Variants in NUP88 observed in about 807,000 individuals in gnomAD.
NUP88 encodes the protein nucleoporin 88.
A neutral mutation model predicts 93.9 loss-of-function variants in NUP88; 57 were observed. That is an observed-to-expected ratio of 0.61 (90% CI 0.49 to 0.76). The LOEUF is 0.76. NUP88 is among the 30% of genes least tolerant of loss of function. The pLI, the probability that NUP88 is intolerant of heterozygous loss-of-function variation, is 0.00. For synonymous variants in NUP88, 346 were observed against 336.8 expected, an observed-to-expected ratio of 1.03 and a Z score of -0.30; for missense variants, 911 against 901.0, an observed-to-expected ratio of 1.01 and a Z score of -0.14.
chr17:5,416,693 G>C lies in NUP88; in HGVS notation c.298-11C>G. 1.9e-6 allele frequency: 3 copies of C among 1,597,030 alleles called. No homozygotes were observed. The highest frequency in any genetic ancestry group is 2.6e-6 in the Non-Finnish European group (3 of 1,175,152). On this transcript the variant is annotated splice_polypyrimidine_tract_variant and intron_variant, in intron 1 of 16. Coordinates refer to ENST00000573584, the MANE Select transcript of NUP88 (RefSeq NM_002532.6). Reference sequence around the variant, plus strand: ...TATGCAAAGCAATCTCTGAAAATTAGAGCAAACCAGTCAACATAGTTAATT... The same window carrying C: ...TATGCAAAGCAATCTCTGAAAATTACAGCAAACCAGTCAACATAGTTAATT...
At chr17:5,392,880 C>T (rs947128634) in intron 9 of NUP88, among the ~76,000 whole-genome samples, 2 of 152,238 alleles carry the variant, frequency 1.3e-5, no homozygotes, top group Middle Eastern at 3.4e-3. Context: ...GCCTTGACCT[C>T]GTGGGCTCAA....
intron 1 of NUP88, 95 bp from the exon 2 acceptor site, chr17:5,416,777 T>G (rs1914176960): frequency 5.1e-6 from 5 of 984,600 alleles, no homozygotes; most frequent in Non-Finnish European, 7.5e-6. Flanking sequence ...TTTACTACAA[T>G]TATAGGATAA....
At chr17:5,415,585 A>T (rs1914089360) in intron 2 of NUP88, among the ~76,000 whole-genome samples, 1 of 152,232 alleles carries the variant, frequency 6.6e-6, no homozygotes, top group African/African-American at 2.4e-5. Flanking sequence ...ATGATCCCCA[A>T]CTTTACAATG....
chr17:5,387,534 C>T (rs1912094515), intron 13 of NUP88, 68 bp from the exon 14 acceptor site: 2 of 1,593,760 alleles, frequency 1.3e-6, no homozygotes, highest in South Asian at 1.1e-5. Context: ...TAATGTGGCT[C>T]AGCATCTTAG....
chr17:5,388,943 G>C lies in NUP88; in HGVS notation c.1502C>G (p.Ala501Gly), dbSNP rs544639385. Residue 501 changes from alanine (A) to glycine (G), a missense_variant, in exon 11 of 17, where the codon GCG (alanine) becomes GGG (glycine). By Grantham distance (60) the Ala-to-Gly change is moderately conservative. Coordinates refer to ENST00000573584, the MANE Select transcript of NUP88 (RefSeq NM_002532.6). ...IWPLLSTVHPASPPLLCTRED... is the reference protein window; with the variant it reads ...IWPLLSTVHPGSPPLLCTRED... The stretch of plus-strand genomic sequence containing the variant: ...TCGAGTACAAAGCAGGGGAGGAGAC[G>C]CTGGATGGACTGTACTTCTGCAAAA... 6.2e-7 allele frequency: 1 copy of C among 1,611,042 alleles called. No individual in the cohort carries two copies. The highest frequency in any genetic ancestry group is 1.3e-5 in the African/African-American group (1 of 74,900).
At chr17:5,395,718 G>A (rs759879824) in intron 8 of NUP88, among the ~76,000 whole-genome samples, 1 of 151,772 alleles carries the variant, frequency 6.6e-6, no homozygotes, top group Non-Finnish European at 1.5e-5. Flanking sequence ...GGGTTTCACG[G>A]TATTGGCCAG....
Position 5,387,357 on chromosome 17 carries a change from G to C in NUP88, c.1916+29C>G, listed in dbSNP as rs776974419. 3 of 1,570,038 alleles carry C rather than the reference G, an allele frequency of 1.9e-6. No homozygotes were observed. The South Asian group carries it at 3.3e-5, about 17-fold the overall frequency. On this transcript the variant is annotated intron_variant, in intron 14 of 16. Transcript: ENST00000573584. The stretch of plus-strand genomic sequence containing the variant: ...AAATATCGTTGTTAGTACCTGACTA[G>C]GTAACTAAATGTTATACAGCCCACT...
At chr17:5,418,637 C>T (rs2151651636) in intron 1 of NUP88, among the ~76,000 whole-genome samples, 1 of 152,204 alleles carries the variant, frequency 6.6e-6, no homozygotes, top group Non-Finnish European at 1.5e-5. Flanking sequence ...GCATTGCTAG[C>T]GTCTTATTAA....
Position 5,410,662 on chromosome 17 carries a change from G to A in NUP88, c.680+41C>T, listed in dbSNP as rs781640258. Reference sequence around the variant, plus strand: ...AAAATTGCATTTATAATCCCAATAAGCTAATTAAAAAACCATTTCAAGACT... The same window carrying A: ...AAAATTGCATTTATAATCCCAATAAACTAATTAAAAAACCATTTCAAGACT... On this transcript the variant is annotated intron_variant, in intron 4 of 16. Coordinates refer to ENST00000573584, the MANE Select transcript of NUP88 (RefSeq NM_002532.6). 8 of 1,214,854 alleles carry A rather than the reference G, an allele frequency of 6.6e-6. No homozygotes were observed. In the African/African-American group the frequency reaches 1.2e-4, roughly 19 times the overall value. The allele number at this position is 1,214,854 out of a possible 1,614,324, so 75.3% of individuals were successfully genotyped here.
chr17:5,399,532 C>A lies in NUP88; in HGVS notation c.1291+20G>T. 7.9e-7 allele frequency: 1 copy of A among 1,262,962 alleles called. No homozygotes were observed. The allele number at this position is 1,262,962 out of a possible 1,614,324, so 78.2% of individuals were successfully genotyped here. A position where few individuals can be genotyped will look rare whatever the true frequency, so the allele number is the denominator to read the frequency against. On this transcript the variant is annotated intron_variant, in intron 8 of 16. Coordinates refer to ENST00000573584, the MANE Select transcript of NUP88 (RefSeq NM_002532.6). Reference sequence around the variant, plus strand: ...TTTCCTCTGAAATCTATTAAAAGTGCAGAGAGTTAGTAAACTCACCTGATC... The same window carrying A: ...TTTCCTCTGAAATCTATTAAAAGTGAAGAGAGTTAGTAAACTCACCTGATC...
intron 5 of NUP88, among the ~76,000 whole-genome samples, chr17:5,407,622 C>T (rs1002860614): frequency 3.3e-5 from 5 of 152,184 alleles, no homozygotes; most frequent in Non-Finnish European, 5.9e-5. Flanking sequence ...TTTAATTCTT[C>T]TTGTCTGTCA....
intron 9 of NUP88, 130 bp downstream of exon 9, chr17:5,394,761 G>A (rs1364111228): frequency 1.5e-6 from 1 of 656,454 alleles, no homozygotes; most frequent in Non-Finnish European, 2.7e-6. Context: ...TAGGGGAGAA[G>A]TATCACGTCT....
At chr17:5,395,089 G>C (rs755189254) in intron 8 of NUP88, 108 bp from the exon 9 acceptor site, 101 of 710,446 alleles carry the variant, frequency 1.4e-4, no homozygotes, top group Non-Finnish European at 2.4e-4. Flanking sequence ...TGAAAACATT[G>C]CTTCTCAAGT....
intron 7 of NUP88, among the ~76,000 whole-genome samples, chr17:5,403,003 A>C (rs919994915): frequency 1.4e-4 from 22 of 152,088 alleles, no homozygotes; most frequent in Non-Finnish European, 4.4e-5. Context: ...CACACACACA[A>C]AAGCCAAATG....
At position 5,387,473 on chromosome 17, in the gene NUP88, ATG is replaced by A. The variant is rs1335972771; in HGVS notation, c.1836-9_1836-8del. 1 of 1,613,812 alleles carries A rather than the reference ATG, an allele frequency of 6.2e-7. No homozygotes were observed. The highest frequency in any genetic ancestry group is 1.1e-5 in the South Asian group (1 of 91,076). On this transcript the variant is annotated splice_polypyrimidine_tract_variant and splice_region_variant and intron_variant, in intron 13 of 16. Coordinates refer to ENST00000573584, the MANE Select transcript of NUP88 (RefSeq NM_002532.6). ...CATTTCCCGCAGACTTTTCCTAATG[ATG>A]TAAGACACAAGAGACTCTTGAGGTC... is the stretch of plus-strand genomic sequence containing the variant.
chr17:5,387,570 T>A, intron 13 of NUP88, 35 bp downstream of exon 13: 2 of 1,599,538 alleles, frequency 1.3e-6, no homozygotes. Flanking sequence ...CCAGTCTTAC[T>A]GACCTATTGT....
At chr17:5,398,594 C>CTTT (rs892477455) in intron 8 of NUP88, among the ~76,000 whole-genome samples, 1 of 125,864 alleles carries the variant, frequency 7.9e-6, no homozygotes, top group Non-Finnish European at 1.7e-5. Context: ...CCTGGCCTAA[C>CTTT]TTTTTTTTTT....
chr17:5,419,596 G>A lies in NUP88; in HGVS notation c.55C>T (p.Pro19Ser), dbSNP rs1225232646. 1 of 1,605,462 alleles carries A rather than the reference G, an allele frequency of 6.2e-7. No individual in the cohort carries two copies. Among genetic ancestry groups the A allele is most frequent in the South Asian group, 1.1e-5 (1 of 91,004 alleles). ...AGCCGCAAGAACACGACGTGGTTAG[G>A]AAGCCAGGTCTGCCACAGCTCGCCG... ...GDGELWQTWL[P>S]NHVVFLRLRE... is the part of the protein sequence containing the mutation. Residue 19 changes from proline to serine, a missense_variant, in exon 1 of 17, where the codon CCT becomes TCT. By Grantham distance (74) the Pro-to-Ser change is moderately conservative (BLOSUM62 -1). Transcript: ENST00000573584.
intron 7 of NUP88, 140 bp from the exon 8 acceptor site, chr17:5,399,790 G>T: frequency 2.1e-6 from 1 of 481,276 alleles, no homozygotes; most frequent in Non-Finnish European, 3.7e-6. Context: ...CATATTGTTA[G>T]GGGTTTTGAA....
Sources: allele counts gnomAD v4.1 joint callset (sites outside exome capture counted in the v4.1 genomes callset), GRCh38; gene constraint gnomAD v4.1.1; transcripts MANE v1.5; gene names NCBI Gene and HGNC (gene_info 2026-07-23, HGNC 2026-07-21).